Variants in ACCSL observed in about 807,000 individuals in gnomAD.
The protein encoded by ACCSL is probable inactive 1-aminocyclopropane-1-carboxylate synthase-like protein 2.
ACCSL carries 55 observed loss-of-function variants against 61.7 expected under a neutral mutation model. That is an observed-to-expected ratio of 0.89 (90% confidence interval 0.72 to 1.12). The LOEUF (loss-of-function observed/expected upper bound fraction) is 1.12, where lower values mean the gene tolerates loss of function less well. ACCSL is among the 50% of genes most tolerant of loss of function. The probability of loss-of-function intolerance (pLI) is 0.00; values close to 1 mark genes in which losing one functional copy is unlikely to be tolerated. For synonymous variants in ACCSL, 258 were observed against 264.3 expected (o/e 0.98, Z 0.23); for missense variants, 632 against 698.0 (o/e 0.91, Z 1.07).
chr11:43,979,876 A>G, the ACCSL span, among the ~76,000 whole-genome samples: 19 of 151,526 alleles, frequency 1.3e-4, no homozygotes, highest in South Asian at 2.3e-3. Flanking sequence ...GAAAAGAAAA[A>G]AAAATTGGCA....
intron 3 of ACCSL, among the ~76,000 whole-genome samples, chr11:44,050,988 C>CCCG (rs1442913348): frequency 6.6e-6 from 1 of 151,896 alleles, no homozygotes; most frequent in Non-Finnish European, 1.5e-5. Flanking sequence ...ACTACAGGTG[C>CCCG]CCGCCACCAC....
At chr11:44,000,227 C>T in the ACCSL span, among the ~76,000 whole-genome samples, 6 of 152,094 alleles carry the variant, frequency 3.9e-5, no homozygotes, top group African/African-American at 7.2e-5. Context: ...CGGGTGCAAG[C>T]GATTCTCCTG....
At chr11:44,014,650 C>A in the ACCSL span, among the ~76,000 whole-genome samples, 1 of 152,134 alleles carries the variant, frequency 6.6e-6, no homozygotes, top group African/African-American at 2.4e-5. Flanking sequence ...GGTATCACTA[C>A]CAGGAGAGGG....
the ACCSL span, among the ~76,000 whole-genome samples, chr11:43,989,825 A>C: frequency 1.3e-5 from 2 of 151,960 alleles, no homozygotes; most frequent in African/African-American, 4.8e-5. Context: ...AGTCTTCCAC[A>C]CTCTCCACAC....
intron 7 of ACCSL, 135 bp from the exon 8 acceptor site, chr11:44,053,271 G>T: frequency 1.1e-6 from 1 of 885,988 alleles, no homozygotes. Context: ...TCCCCTCTTT[G>T]GGCAGTATAG....
the ACCSL span, among the ~76,000 whole-genome samples, chr11:43,939,027 A>G: frequency 1.3e-5 from 2 of 152,160 alleles, no homozygotes; most frequent in Non-Finnish European, 1.5e-5. Context: ...TGCTGAGGAC[A>G]CCAGTTTTCT....
chr11:44,009,626 A>G, the ACCSL span, among the ~76,000 whole-genome samples: 1 of 152,234 alleles, frequency 6.6e-6, no homozygotes, highest in Non-Finnish European at 1.5e-5. Flanking sequence ...TTTGCTGGGC[A>G]TGGTGGTGTG....
intron 13 of ACCSL, among the ~76,000 whole-genome samples, chr11:44,059,340 A>C (rs923843299): frequency 2.0e-5 from 3 of 152,212 alleles, no homozygotes; most frequent in Admixed American, 2.0e-4. Context: ...ATGACCATGG[A>C]AGTCCCTGTA....
the ACCSL span, among the ~76,000 whole-genome samples, chr11:44,009,338 G>A: frequency 9.1e-4 from 139 of 152,330 alleles, 1 homozygote; most frequent in African/African-American, 3.2e-3. Flanking sequence ...ACCCACACAG[G>A]AGGGTTCTAC....
upstream of ACCSL, among the ~76,000 whole-genome samples, chr11:44,044,807 T>C (rs914952260): frequency 6.6e-6 from 1 of 152,200 alleles, no homozygotes; most frequent in Admixed American, 6.5e-5. Flanking sequence ...CTGTTCATGA[T>C]CTGTCTTTCA....
At chr11:44,020,406 G>C in the ACCSL span, among the ~76,000 whole-genome samples, 4 of 152,006 alleles carry the variant, frequency 2.6e-5, no homozygotes, top group Admixed American at 2.0e-4. Flanking sequence ...TATTGTTCTT[G>C]ATATTACAAG....
the ACCSL span, among the ~76,000 whole-genome samples, chr11:44,029,379 C>G: frequency 2.0e-5 from 3 of 152,250 alleles, no homozygotes; most frequent in African/African-American, 2.4e-5. Flanking sequence ...CATGGCTCAC[C>G]CTTTGCTGCC....
At chr11:43,986,088 C>T in the ACCSL span, among the ~76,000 whole-genome samples, 9 of 152,092 alleles carry the variant, frequency 5.9e-5, no homozygotes, top group Admixed American at 6.6e-5. Flanking sequence ...TTATGGGTAT[C>T]GGAGAGCCAG....
chr11:44,005,317 G>A, the ACCSL span, among the ~76,000 whole-genome samples: 2,519 of 152,142 alleles, frequency 0.017, 33 homozygotes, highest in Non-Finnish European at 0.027. Context: ...ACTGCTGATC[G>A]TGGGCTGCAC....
the ACCSL span, among the ~76,000 whole-genome samples, chr11:44,003,212 A>G: frequency 6.6e-6 from 1 of 152,240 alleles, no homozygotes; most frequent in Non-Finnish European, 1.5e-5. Flanking sequence ...AAGCCAAAGC[A>G]GGTCACGGAA....
chr11:43,966,905 T>C, the ACCSL span, among the ~76,000 whole-genome samples: 2 of 152,176 alleles, frequency 1.3e-5, no homozygotes, highest in African/African-American at 4.8e-5. Flanking sequence ...ATTTATCGAA[T>C]TTTATTGTTT....
chr11:44,006,363 G>A, the ACCSL span, among the ~76,000 whole-genome samples: 2 of 152,134 alleles, frequency 1.3e-5, no homozygotes, highest in African/African-American at 4.8e-5. Flanking sequence ...GTGCTAGCTG[G>A]ATGCAGCTCA....
the ACCSL span, among the ~76,000 whole-genome samples, chr11:43,966,558 G>T: frequency 1.3e-5 from 2 of 151,736 alleles, no homozygotes; most frequent in Non-Finnish European, 2.9e-5. Flanking sequence ...CTAGTATTTA[G>T]AATATGTAAA....
chr11:43,933,418 G>A, the ACCSL span: 1 of 275,028 alleles, frequency 3.6e-6, no homozygotes, highest in Non-Finnish European at 7.4e-6. Flanking sequence ...GCCGCTGGCT[G>A]TGTGACCTTG....
Sources: gnomAD v4.1 joint callset for allele counts (sites outside exome capture counted in the v4.1 genomes callset) on GRCh38, gnomAD v4.1.1 for gene constraint, MANE v1.5 for transcripts, NCBI Gene and HGNC (gene_info 2026-07-23, HGNC 2026-07-21) for gene names.